CCDC186: variants seen among roughly 807,000 people sequenced by gnomAD.
CCDC186 encodes coiled-coil domain containing 186.
Under a neutral mutation model 113.7 loss-of-function variants are expected in CCDC186, and 49 were observed. That is an observed-to-expected ratio of 0.43 (90% CI 0.34 to 0.55). The LOEUF is 0.55. Ranked by LOEUF, CCDC186 falls within the 20% of genes least tolerant of loss-of-function variation. CCDC186 has a pLI of 0.02. For synonymous variants in CCDC186, 355 were observed against 345.8 expected (o/e 1.03, Z -0.30); for missense variants, 890 against 1,011.1 (o/e 0.88, Z 1.62).
At chr10:114,157,487 C>T (rs536786559) in intron 3 of CCDC186, 67 bp downstream of exon 3, 9 of 1,428,270 alleles carry the variant, frequency 6.3e-6, no homozygotes, top group East Asian at 4.9e-5. Flanking sequence ...CTGCCACAAT[C>T]GGCTGCCAGG....
intron 6 of CCDC186, among the ~76,000 whole-genome samples, chr10:114,139,043 TC>T (rs1482424204): frequency 1.3e-5 from 2 of 152,218 alleles, no homozygotes; most frequent in African/African-American, 4.8e-5. Context: ...GCTTATATGT[TC>T]CCCTAATACA....
At chr10:114,149,798 AAGGAAGGAAGGAAGGAAGGC>A (rs2031784965) in intron 4 of CCDC186, among the ~76,000 whole-genome samples, 4 of 102,250 alleles carry the variant, frequency 3.9e-5, no homozygotes, top group Admixed American at 9.6e-5. Context: ...GGAAGGAAGG[AAGGAAGGAAGGAAGGAAGGC>A]AGGAAGGCAG....
chr10:114,143,473 G>GT (rs1302887484), intron 6 of CCDC186, among the ~76,000 whole-genome samples: 1 of 152,168 alleles, frequency 6.6e-6, no homozygotes, highest in Non-Finnish European at 1.5e-5. Flanking sequence ...AAATTTAGAT[G>GT]GCTTAGCCGT....
At chr10:114,170,046 T>C (rs920798243) in intron 1 of CCDC186, among the ~76,000 whole-genome samples, 6 of 152,154 alleles carry the variant, frequency 3.9e-5, no homozygotes, top group South Asian at 2.1e-4. Flanking sequence ...TACAGGTGCA[T>C]GCCACCATAC....
intron 6 of CCDC186, 58 bp downstream of exon 6, chr10:114,144,439 A>G (rs2031571738): frequency 1.3e-6 from 2 of 1,555,802 alleles, no homozygotes; most frequent in Non-Finnish European, 1.7e-6. Flanking sequence ...AAACAAAAAC[A>G]AAAACAAAAA....
chr10:114,172,570 T>C (rs895876073), intron 1 of CCDC186, among the ~76,000 whole-genome samples: 3 of 152,252 alleles, frequency 2.0e-5, no homozygotes, highest in Non-Finnish European at 2.9e-5. Flanking sequence ...TAAGTTTATA[T>C]GCAGTTATTC....
chr10:114,157,474 G>T, intron 3 of CCDC186, 80 bp downstream of exon 3: 1 of 1,345,002 alleles, frequency 7.4e-7, no homozygotes, highest in Non-Finnish European at 9.9e-7. Flanking sequence ...TTACAGGCAT[G>T]AGCTGCCACA....
chr10:114,173,851 G>A (rs1359260466), intron 1 of CCDC186, among the ~76,000 whole-genome samples, 164 bp downstream of exon 1: 2 of 152,174 alleles, frequency 1.3e-5, no homozygotes, highest in African/African-American at 2.4e-5. Context: ...CTTCCTCCGC[G>A]CCCTCAAAGG....
chr10:114,150,558 G>A (rs541618929), intron 4 of CCDC186, among the ~76,000 whole-genome samples: 1 of 152,184 alleles, frequency 6.6e-6, no homozygotes, highest in South Asian at 2.1e-4. Context: ...GTAGGCAGGG[G>A]AAGAATATGT....
At position 114,126,074 on chromosome 10, in the gene CCDC186, A is replaced by G; in HGVS notation, c.2425T>C (p.Ser809Pro). 6.2e-7 allele frequency: 1 copy of G among 1,613,908 alleles called. No homozygotes were observed. The highest frequency in any genetic ancestry group is 8.5e-7 in the Non-Finnish European group (1 of 1,179,876). The change falls in exon 15 of 16, where the codon TCA becomes CCA. Residue 809 changes from serine (S) to proline (P), a missense_variant. Transcript: ENST00000369287. ...IIQSYILREE[S>P]GTLSSEASDF... ...GATGCCTCTGAAGAAAGTGTGCCTGATTCTTCTCGTAAAATATAACTTTGA... is the reference window on the plus strand; with the variant it reads ...GATGCCTCTGAAGAAAGTGTGCCTGGTTCTTCTCGTAAAATATAACTTTGA...
intron 12 of CCDC186, chr10:114,130,877 GT>G: frequency 3.4e-6 from 1 of 296,104 alleles, no homozygotes. Flanking sequence ...ACAGGAGTAT[GT>G]GATCAAAAGT....
At chr10:114,145,885 G>A in intron 4 of CCDC186, 124 bp from the exon 5 acceptor site, 1 of 829,592 alleles carries the variant, frequency 1.2e-6, no homozygotes, top group Non-Finnish European at 1.8e-6. Flanking sequence ...AACATTCCCA[G>A]GACTTGTGCC....
At chr10:114,150,532 G>A (rs2031821115) in intron 4 of CCDC186, among the ~76,000 whole-genome samples, 1 of 151,930 alleles carries the variant, frequency 6.6e-6, no homozygotes, top group Admixed American at 6.6e-5. Flanking sequence ...AACAAGGAAT[G>A]GGATATAAAA....
intron 6 of CCDC186, 41 bp downstream of exon 6, chr10:114,144,456 A>C (rs1212143520): frequency 4.5e-6 from 7 of 1,565,018 alleles, no homozygotes; most frequent in Non-Finnish European, 5.2e-6. Flanking sequence ...AAAACAAAAA[A>C]ACTCATTCTA....
intron 2 of CCDC186, chr10:114,161,601 C>A (rs956990405): frequency 6.6e-6 from 1 of 152,044 alleles, no homozygotes; most frequent in Admixed American, 6.6e-5. Context: ...AGCAGCAGCA[C>A]TGATGGTTCA....
chr10:114,131,893 T>C (rs764363431), intron 11 of CCDC186, 36 bp downstream of exon 11: 20 of 1,542,098 alleles, frequency 1.3e-5, no homozygotes, highest in Non-Finnish European at 1.8e-5. Context: ...TTGTGCTTGT[T>C]ACGTTGTTTT....
chr10:114,152,630 G>A (rs2031889628), intron 3 of CCDC186, among the ~76,000 whole-genome samples: 1 of 152,168 alleles, frequency 6.6e-6, no homozygotes, highest in Non-Finnish European at 1.5e-5. Flanking sequence ...GAAAGATATG[G>A]CAGACATAAA....
At position 114,162,922 on chromosome 10, in the gene CCDC186, G is replaced by A; in HGVS notation, c.347C>T (p.Thr116Ile). 6.2e-7 allele frequency: 1 copy of A among 1,613,256 alleles called. No homozygotes were observed. The highest frequency in any genetic ancestry group is 1.1e-5 in the South Asian group (1 of 90,832). ...SKTNETEQKV[T>I]QILVELRSST... ...TGACCTTAATTCCACCAATATTTGT[G>A]TTACTTTCTGTTCTGTTTCATTTGT... Residue 116 changes from threonine (T) to isoleucine (I), a missense_variant, in exon 2 of 16, where the codon ACA becomes ATA. Physicochemically the swap from Thr to Ile is moderately conservative, Grantham distance 89 (BLOSUM62 -1). Coordinates refer to ENST00000369287, the MANE Select transcript of CCDC186 (RefSeq NM_018017.4).
At chr10:114,148,836 TTCTA>T (rs941733215) in intron 4 of CCDC186, among the ~76,000 whole-genome samples, 4 of 152,224 alleles carry the variant, frequency 2.6e-5, no homozygotes, top group Non-Finnish European at 2.9e-5. Context: ...TTCAAATTCA[TTCTA>T]TCTATCTGGT....
Sources: gnomAD v4.1 joint callset for allele counts (sites outside exome capture counted in the v4.1 genomes callset) on GRCh38, gnomAD v4.1.1 for gene constraint, MANE v1.5 for transcripts, NCBI Gene and HGNC (gene_info 2026-07-23, HGNC 2026-07-21) for gene names.